Variants in TULP3 observed in about 807,000 individuals in gnomAD.
The protein encoded by TULP3 is TUB like protein 3.
In TULP3, 38 loss-of-function variants were observed where a neutral mutation model predicts 50.7. The ratio of observed to expected loss-of-function variants is 0.75; its 90% CI spans 0.58 to 0.98. TULP3 has a LOEUF of 0.98. Among genes scored for constraint, TULP3 ranks in the 50% least tolerant of loss-of-function variants. The pLI is 0.00. For missense variants in TULP3, 550 were observed against 568.0 expected (o/e 0.97, Z 0.32); for synonymous variants, 183 against 196.6 (o/e 0.93, Z 0.58).
At position 2,940,520 on chromosome 12, in the gene TULP3, C is replaced by T. The variant is rs771572885; in HGVS notation, c.*1076C>T. On this transcript the variant is annotated 3_prime_UTR_variant, in exon 11 of 11. Coordinates refer to ENST00000448120, the MANE Select transcript of TULP3 (RefSeq NM_003324.5). ...ATTATGTGACTCTTACACCAGTTCA[C>T]CCTTCCCAGAATGTATCCAAACCTT... 1.3e-6 allele frequency: 2 copies of T among 1,542,730 alleles called. No individual in the cohort carries two copies. Among genetic ancestry groups the T allele is most frequent in the South Asian group, 2.4e-5 (2 of 82,902 alleles).
Position 2,890,895 on chromosome 12 carries a change from T to C in TULP3, c.-53T>C, listed in dbSNP as rs1025256495. 7.2e-6 allele frequency: 11 copies of C among 1,528,302 alleles called. No homozygotes were observed. The African/African-American group carries it at 8.4e-5, about 12-fold the overall frequency. The allele number at this position is 1,528,302 out of a possible 1,614,324, so 94.7% of individuals were successfully genotyped here. ...CGGCGGCGTGCCAGCCTAGCCACTC[T>C]AGCGACGGCGGGGAAGAGTGTGTAC... On this transcript the variant is annotated 5_prime_UTR_variant, in exon 1 of 11. Transcript: ENST00000448120.
intron 6 of TULP3, 106 bp from the exon 7 acceptor site, chr12:2,933,312 G>A (rs2098199261): frequency 1.5e-6 from 1 of 688,254 alleles, no homozygotes; most frequent in South Asian, 1.7e-5. Flanking sequence ...GACATATGCT[G>A]AGGACTTGCT....
chr12:2,918,522 A>G lies in TULP3; in HGVS notation c.94-2241A>G, dbSNP rs2098189966. Reference sequence around the variant, plus strand: ...GTTTCTTATGATTTCAGTACTTCATATTTACCACCTTTTCAGGCAAGTTAC... The same window carrying G: ...GTTTCTTATGATTTCAGTACTTCATGTTTACCACCTTTTCAGGCAAGTTAC... On this transcript the variant is annotated intron_variant, in intron 2 of 10. Coordinates refer to ENST00000448120, the MANE Select transcript of TULP3 (RefSeq NM_003324.5). Among the ~76,000 whole-genome samples the G allele has an allele frequency of 3.3e-5, 5 of 152,016 alleles. 1 individual carries two copies. The highest frequency in any genetic ancestry group is 3.3e-4 in the Admixed American group (5 of 15,244).
In TULP3 at chr12:2,939,327, G is replaced by A. The variant is rs747187923; in HGVS notation, c.1212G>A (p.Met404Ile). 1.9e-6 allele frequency: 3 copies of A among 1,614,208 alleles called. No homozygotes were observed. Among genetic ancestry groups the A allele is most frequent in the African/African-American group, 1.3e-5 (1 of 75,054 alleles). Residue 404 changes from methionine to isoleucine, a missense_variant, in exon 11 of 11, where the codon ATG (methionine) becomes ATA (isoleucine). Met to Ile is a conservative substitution (Grantham distance 10). Coordinates refer to ENST00000448120, the MANE Select transcript of TULP3 (RefSeq NM_003324.5). This position sits in a 1 kb window ranked among gnomAD's most constrained non-coding sequence, Gnocchi z 4.0. ...VHKNDPDYIV[M>I]QFGRVADDVF... ...TGTTTCTAGCTGATTATATAGTCAT[G>A]CAGTTTGGACGTGTGGCAGATGACG...
In TULP3 at chr12:2,931,112, G is replaced by A. The variant is rs1316181056; in HGVS notation, c.568G>A (p.Asp190Asn). Reference protein sequence around the residue: ...NLLGDIDDLEDFVYSPAPQGV... With the variant: ...NLLGDIDDLENFVYSPAPQGV... ...CCTGGGAGACATAGACGACCTGGAG[G>A]ACTTTGTGTATAGTCCTGCCCCTCA... is the stretch of plus-strand genomic sequence containing the variant. The change falls in exon 6 of 11, where the codon GAC becomes AAC. Residue 190 changes from aspartate (D) to asparagine (N), a missense_variant. Physicochemically the swap from Asp to Asn is conservative, Grantham distance 23 (BLOSUM62 1). Coordinates refer to ENST00000448120, the MANE Select transcript of TULP3 (RefSeq NM_003324.5). 1.9e-6 allele frequency: 3 copies of A among 1,614,140 alleles called. No homozygotes were observed. In the South Asian group the frequency reaches 3.3e-5, roughly 18 times the overall value.
chr12:2,910,645 G>T (rs994528451), intron 2 of TULP3, among the ~76,000 whole-genome samples: 1 of 152,150 alleles, frequency 6.6e-6, no homozygotes, highest in Non-Finnish European at 1.5e-5. Flanking sequence ...GATTCAATAG[G>T]TGACTAAAAG....
intron 1 of TULP3, among the ~76,000 whole-genome samples, chr12:2,907,333 G>A (rs962527486): frequency 3.3e-5 from 5 of 152,016 alleles, no homozygotes; most frequent in East Asian, 1.9e-4. Flanking sequence ...AAATTAGCCC[G>A]GTGTAGCAAC....
chr12:2,922,895 G>T (rs376522930), intron 4 of TULP3, among the ~76,000 whole-genome samples: 1 of 139,672 alleles, frequency 7.2e-6, no homozygotes, highest in Non-Finnish European at 1.5e-5. Flanking sequence ...ACTCTGTCGC[G>T]CTGGCTGGAG....
intron 2 of TULP3, among the ~76,000 whole-genome samples, chr12:2,918,607 C>A (rs1402774912): frequency 6.6e-6 from 1 of 152,064 alleles, no homozygotes; most frequent in Non-Finnish European, 1.5e-5. Context: ...GGGGCATAAT[C>A]TCAGCTCGCC....
At chr12:2,924,167 T>C (rs2098193387) in intron 4 of TULP3, among the ~76,000 whole-genome samples, 1 of 152,176 alleles carries the variant, frequency 6.6e-6, no homozygotes, top group East Asian at 1.9e-4. Flanking sequence ...TGAGAGAGCC[T>C]GACGCCTCAC....
At chr12:2,894,954 G>A (rs1050814817) in intron 1 of TULP3, among the ~76,000 whole-genome samples, 1 of 152,112 alleles carries the variant, frequency 6.6e-6, no homozygotes, top group African/African-American at 2.4e-5. Context: ...CATTCCCGAA[G>A]AGAGAAAATA....
At chr12:2,903,362 A>C (rs2098180315) in intron 1 of TULP3, among the ~76,000 whole-genome samples, 1 of 151,862 alleles carries the variant, frequency 6.6e-6, no homozygotes, top group Non-Finnish European at 1.5e-5. Flanking sequence ...CGGGAGTTCA[A>C]GTCCAGCCAG....
rs1414810629 is a variant in TULP3 at position 2,920,710 on chromosome 12, G to T, written c.94-53G>T. On this transcript the variant is annotated intron_variant, in intron 2 of 10. Coordinates refer to ENST00000448120, the MANE Select transcript of TULP3 (RefSeq NM_003324.5). ...AAACAAACTGGGCATGTTGGAAATG[G>T]TTAGGTCATGTCAAAACTCTCCTTG... The T allele has an allele frequency of 3.1e-6, 5 of 1,601,586 alleles. No individual in the cohort carries two copies. In the Admixed American group the frequency reaches 6.8e-5, roughly 22 times the overall value.
At position 2,940,358 on chromosome 12, in the gene TULP3, G is replaced by A. The variant is rs370061445; in HGVS notation, c.*914G>A. On this transcript the variant is annotated 3_prime_UTR_variant, in exon 11 of 11. Coordinates refer to ENST00000448120, the MANE Select transcript of TULP3 (RefSeq NM_003324.5). ...AAAAAAGGTGGCAGGAGAGGCTTTG[G>A]GGAGGATCAGCCAGCAGACATGAGC... 573 of 1,469,360 alleles carry A rather than the reference G, an allele frequency of 3.9e-4. 4 individuals are homozygous for A. The South Asian group carries it at 5.6e-3, about 14-fold the overall frequency. 91.0% of individuals were successfully genotyped at this position (1,469,360 alleles called of 1,614,324 possible). A position where few individuals can be genotyped will look rare whatever the true frequency, so the allele number is the denominator to read the frequency against.
intron 1 of TULP3, among the ~76,000 whole-genome samples, chr12:2,905,957 G>A (rs1209879976): frequency 6.6e-6 from 1 of 151,086 alleles, no homozygotes; most frequent in Non-Finnish European, 1.5e-5. Flanking sequence ...TCATGGTGGA[G>A]ATTGCAGTGA....
chr12:2,936,609 G>A (rs951376925), intron 8 of TULP3, among the ~76,000 whole-genome samples: 4 of 151,682 alleles, frequency 2.6e-5, no homozygotes, highest in African/African-American at 7.3e-5. Context: ...AAAATTAGCC[G>A]GGTGTGGTGG....
intron 5 of TULP3, 170 bp from the exon 6 acceptor site, chr12:2,930,867 A>G: frequency 1.4e-6 from 1 of 721,356 alleles, no homozygotes; most frequent in East Asian, 2.7e-5. Flanking sequence ...CTTACTCTTC[A>G]TTACTCTCAA....
chr12:2,930,907 T>C, intron 5 of TULP3, 130 bp from the exon 6 acceptor site: 1 of 999,470 alleles, frequency 1.0e-6, no homozygotes, highest in South Asian at 1.3e-5. Flanking sequence ...ACTTTTCAGT[T>C]TTCCTCATTC....
intron 9 of TULP3, 68 bp from the exon 10 acceptor site, chr12:2,938,043 TCTC>T (rs1165553112): frequency 2.6e-6 from 4 of 1,521,166 alleles, no homozygotes; most frequent in South Asian, 2.4e-5. Context: ...GAGAAAGTAT[TCTC>T]CTACTCTACC....
Sources: allele counts gnomAD v4.1 joint callset (sites outside exome capture counted in the v4.1 genomes callset), GRCh38; gene constraint gnomAD v4.1.1; non-coding constraint Gnocchi (gnomAD v3.1); transcripts MANE v1.5; gene names NCBI Gene and HGNC (gene_info 2026-07-23, HGNC 2026-07-21).